Variants in GHR observed in about 807,000 individuals in gnomAD.
GHR encodes growth hormone receptor.
Under a neutral mutation model 67.1 loss-of-function variants are expected in GHR, and 35 were observed. The observed-to-expected ratio is 0.52, with a 90% CI of 0.40 to 0.69. The LOEUF (loss-of-function observed/expected upper bound fraction) is 0.69, where lower values mean the gene tolerates loss of function less well. GHR is among the 30% of genes least tolerant of loss of function. The pLI is 0.00. For synonymous variants in GHR, 272 were observed against 269.1 expected (o/e 1.01, Z -0.10); for missense variants, 792 against 764.6 (o/e 1.04, Z -0.42).
chr5:42,499,737 G>A (rs983397412), intron 1 of GHR, among the ~76,000 whole-genome samples: 2 of 152,180 alleles, frequency 1.3e-5, no homozygotes, highest in African/African-American at 4.8e-5. Flanking sequence ...CTGAAACTTA[G>A]TTCAATTATG....
intron 3 of GHR, among the ~76,000 whole-genome samples, chr5:42,674,321 T>A (rs867166321): frequency 6.6e-6 from 1 of 152,216 alleles, no homozygotes; most frequent in Non-Finnish European, 1.5e-5. Flanking sequence ...AGTGTGATTT[T>A]TTGCTTTGTA....
intron 1 of GHR, among the ~76,000 whole-genome samples, chr5:42,558,080 G>A (rs185414029): frequency 6.6e-6 from 1 of 152,186 alleles, no homozygotes; most frequent in Admixed American, 6.5e-5. Context: ...TTAAATTCCA[G>A]GGAGACAGGT....
At chr5:42,637,164 G>A (rs1438942985) in intron 3 of GHR, among the ~76,000 whole-genome samples, 1 of 151,984 alleles carries the variant, frequency 6.6e-6, no homozygotes, top group Non-Finnish European at 1.5e-5. Flanking sequence ...GTTTCAGATT[G>A]TGTTTACTTT....
chr5:42,440,176 T>C (rs1179551661), intron 1 of GHR, among the ~76,000 whole-genome samples: 1 of 152,244 alleles, frequency 6.6e-6, no homozygotes, highest in East Asian at 1.9e-4. Flanking sequence ...TAGCATAGTA[T>C]AATAAGCAAC....
rs147962358 is a variant in GHR at position 42,555,993 on chromosome 5, G to A, written c.-11-9871G>A. Among the ~76,000 whole-genome samples, 10 of 152,290 alleles carry A rather than the reference G, an allele frequency of 6.6e-5. No homozygotes were observed. In the East Asian group the frequency reaches 1.5e-3, roughly 24 times the overall value. ...CCAGCTCGGACAATGCTGGGCTGATGTCAGGTTACGGGATTGCTGACTCCT... is the reference window on the plus strand; with the variant it reads ...CCAGCTCGGACAATGCTGGGCTGATATCAGGTTACGGGATTGCTGACTCCT... On this transcript the variant is annotated intron_variant, in intron 1 of 9. Coordinates refer to ENST00000230882, the MANE Select transcript of GHR (RefSeq NM_000163.5).
At chr5:42,617,767 G>A (rs1052674674) in intron 2 of GHR, among the ~76,000 whole-genome samples, 4 of 152,114 alleles carry the variant, frequency 2.6e-5, no homozygotes, top group African/African-American at 9.7e-5. Flanking sequence ...CAGTGGAGTG[G>A]CCGTGTATGG....
intron 1 of GHR, among the ~76,000 whole-genome samples, chr5:42,453,096 C>G (rs1485645575): frequency 6.6e-6 from 1 of 151,440 alleles, no homozygotes; most frequent in Non-Finnish European, 1.5e-5. Context: ...GAATCAGACT[C>G]TAATGTTTAT....
chr5:42,713,463 T>G lies in GHR; in HGVS notation c.819T>G (p.Phe273Leu). 1 of 1,498,960 alleles carries G rather than the reference T, an allele frequency of 6.7e-7. No homozygotes were observed. Among genetic ancestry groups the G allele is most frequent in the East Asian group, 2.3e-5 (1 of 44,228 alleles). 92.9% of individuals were successfully genotyped at this position (1,498,960 alleles called of 1,614,324 possible). A position where few individuals can be genotyped will look rare whatever the true frequency, so the allele number is the denominator to read the frequency against. The change falls in exon 8 of 10, where the codon TTT becomes TTG. Residue 273 changes from phenylalanine to leucine, a missense_variant. Phe to Leu is a conservative substitution (Grantham distance 22). Transcript: ENST00000230882. ...TTCCATGGCTCTTAATTATTATCTT[T>G]GGAATATTTGGGCTAACAGTGATGC... is the stretch of plus-strand genomic sequence containing the variant. The part of the protein sequence containing the change: ...FYFPWLLIII[F>L]GIFGLTVMLF...
At position 42,424,918 on chromosome 5, in the gene GHR, AGTGTG is replaced by A; in HGVS notation, c.-12+964_-12+968del. The A allele has an allele frequency of 3.8e-5, 30 of 794,940 alleles. No homozygotes were observed. Among genetic ancestry groups the A allele is most frequent in the Non-Finnish European group, 4.6e-5 (30 of 656,292 alleles). The allele number at this position is 794,940 out of a possible 1,614,324, so 49.2% of individuals were successfully genotyped here. ...CGTGTGCGCTGTGTGTGCGCGCGCG[AGTGTG>A]CGCCTGGGGAGGCGTGTCGGCGCCT... On this transcript the variant is annotated intron_variant, in intron 1 of 9. Transcript: ENST00000230882. The surrounding 1 kb of genome is among the most constrained non-coding windows in gnomAD (Gnocchi z 4.1).
At chr5:42,583,809 C>T (rs1367715213) in intron 2 of GHR, among the ~76,000 whole-genome samples, 1 of 151,464 alleles carries the variant, frequency 6.6e-6, no homozygotes, top group Non-Finnish European at 1.5e-5. Flanking sequence ...GTGGTTCTTT[C>T]CTGCCTTCCC....
At chr5:42,618,931 T>C (rs1396602112) in intron 2 of GHR, among the ~76,000 whole-genome samples, 3 of 152,100 alleles carry the variant, frequency 2.0e-5, no homozygotes, top group Non-Finnish European at 4.4e-5. Flanking sequence ...CATATCCCAG[T>C]GCCTAGTATA....
At chr5:42,427,200 T>C (rs1742890791) in intron 1 of GHR, among the ~76,000 whole-genome samples, 1 of 152,222 alleles carries the variant, frequency 6.6e-6, no homozygotes, top group Non-Finnish European at 1.5e-5. Context: ...TCTCATTGTA[T>C]TAGTCTGTTC....
In GHR at chr5:42,534,240, ATATATGTATATATGTACATGTGTATATG is replaced by A. The variant is rs1561102585; in HGVS notation, c.-11-31622_-11-31595del. Among the ~76,000 whole-genome samples, 202 of 120,774 alleles carry A rather than the reference ATATATGTATATATGTACATGTGTATATG, an allele frequency of 1.7e-3. 2 individuals are homozygous for A. Among genetic ancestry groups the A allele is most frequent in the African/African-American group, 8.1e-3 (198 of 24,356 alleles). The allele number at this position is 120,774 out of a possible 152,430, so 79.2% of individuals were successfully genotyped here. Reference sequence around the variant, plus strand: ...TATATATGTACATGTGTATATGTGTATATATGTATATATGTACATGTGTATATGTGTATATATGTATATATGTACATGT... The same window carrying A: ...TATATATGTACATGTGTATATGTGTATGTATATATGTATATATGTACATGT... On this transcript the variant is annotated intron_variant, in intron 1 of 9. Coordinates refer to ENST00000230882, the MANE Select transcript of GHR (RefSeq NM_000163.5).
At chr5:42,519,724 C>T (rs67005744) in intron 1 of GHR, among the ~76,000 whole-genome samples, 27,947 of 152,088 alleles carry the variant, frequency 0.18, 2,881 homozygotes, top group Non-Finnish European at 0.22. Context: ...TTTAGGTAGC[C>T]TTCATGTGTG....
chr5:42,627,576 T>C (rs1467317509), intron 2 of GHR, among the ~76,000 whole-genome samples: 1 of 152,174 alleles, frequency 6.6e-6, no homozygotes, highest in Non-Finnish European at 1.5e-5. Flanking sequence ...AATGAGCGAG[T>C]TCCCTGATCC....
At chr5:42,718,382 C>T in intron 9 of GHR, 71 bp from the exon 10 acceptor site, 3 of 1,134,606 alleles carry the variant, frequency 2.6e-6, no homozygotes, top group Non-Finnish European at 4.0e-6. Flanking sequence ...AATCTCTGAA[C>T]ATTATTTGCT....
rs186070314 is a variant in GHR at position 42,649,090 on chromosome 5, T to A, written c.136+19987T>A. The stretch of plus-strand genomic sequence containing the variant: ...AGAAGCCTAACTGGAGCATTCAGAC[T>A]GCATCAGACAGACTTGGCTTCAGTT... On this transcript the variant is annotated intron_variant, in intron 3 of 9. Transcript: ENST00000230882. 6.6e-5 allele frequency among the ~76,000 whole-genome samples: 10 copies of A among 152,312 alleles called. No individual in the cohort carries two copies. The East Asian group carries it at 1.4e-3, about 21-fold the overall frequency.
At chr5:42,592,162 G>A (rs756365786) in intron 2 of GHR, among the ~76,000 whole-genome samples, 6 of 152,170 alleles carry the variant, frequency 3.9e-5, no homozygotes, top group Non-Finnish European at 8.8e-5. Flanking sequence ...AAAAGTTCAC[G>A]ATGTGAATCT....
intron 1 of GHR, among the ~76,000 whole-genome samples, chr5:42,517,804 T>G (rs1330848401): frequency 6.6e-6 from 1 of 152,126 alleles, no homozygotes; most frequent in African/African-American, 2.4e-5. Context: ...TTTGGCATTA[T>G]TAAAACAACA....
Sources: allele counts gnomAD v4.1 joint callset (sites outside exome capture counted in the v4.1 genomes callset), GRCh38; gene constraint gnomAD v4.1.1; non-coding constraint Gnocchi (gnomAD v3.1); transcripts MANE v1.5; gene names NCBI Gene and HGNC (gene_info 2026-07-23, HGNC 2026-07-21).